Variants in REDIC1 observed in about 807,000 individuals in gnomAD.
REDIC1 encodes the protein regulator of DNA class I crossover intermediates 1.
At chr12:39,747,694 A>T in the REDIC1 span, among the ~76,000 whole-genome samples, 2 of 152,234 alleles carry the variant, frequency 1.3e-5, no homozygotes, top group East Asian at 1.9e-4. Context: ...TGGGTTACCC[A>T]CAAAGGGAAG....
At chr12:39,804,891 A>G in the REDIC1 span, among the ~76,000 whole-genome samples, 1 of 151,060 alleles carries the variant, frequency 6.6e-6, no homozygotes, top group Admixed American at 6.6e-5. Context: ...TACTGTTTTG[A>G]CAGGGCTCTC....
the REDIC1 span, among the ~76,000 whole-genome samples, chr12:39,711,869 GTATACACATGCATGTGTATGTGTA>G: frequency 0.3 from 3,615 of 12,096 alleles, 323 homozygotes; most frequent in African/African-American, 0.37. Context: ...GTGTATACAC[GTATACACATGCATGTGTATGTGTA>G]TACACGTATA....
At chr12:39,650,574 A>G in the REDIC1 span, among the ~76,000 whole-genome samples, 1 of 152,044 alleles carries the variant, frequency 6.6e-6, no homozygotes, top group Non-Finnish European at 1.5e-5. This position sits in a 1 kb window ranked among gnomAD's most constrained non-coding sequence, Gnocchi z 4.3. Flanking sequence ...ATTTAAGTTT[A>G]TTTTTTATTT....
At chr12:39,665,278 G>A in the REDIC1 span, among the ~76,000 whole-genome samples, 1 of 152,174 alleles carries the variant, frequency 6.6e-6, no homozygotes, top group Non-Finnish European at 1.5e-5. Context: ...TCCAGTTTCA[G>A]CTTTCTACAT....
the REDIC1 span, among the ~76,000 whole-genome samples, chr12:39,703,875 G>A: frequency 6.6e-6 from 1 of 152,318 alleles, no homozygotes; most frequent in Admixed American, 6.5e-5. Flanking sequence ...CTAGCCATAT[G>A]TAGAAAGCTG....
chr12:39,805,526 T>C, the REDIC1 span, among the ~76,000 whole-genome samples: 559 of 135,478 alleles, frequency 4.1e-3, 2 homozygotes, highest in African/African-American at 0.011. Context: ...TTTTTTTTTT[T>C]CCCCAGAGAC....
At chr12:39,642,670 A>G in the REDIC1 span, among the ~76,000 whole-genome samples, 29 of 151,854 alleles carry the variant, frequency 1.9e-4, no homozygotes, top group Non-Finnish European at 3.5e-4. Flanking sequence ...GTGGAAAACT[A>G]TTTACATCCT....
At chr12:39,744,671 AAAT>A in the REDIC1 span, among the ~76,000 whole-genome samples, 1 of 152,204 alleles carries the variant, frequency 6.6e-6, no homozygotes, top group African/African-American at 2.4e-5. Context: ...GTGAATAAAG[AAAT>A]ATAACTGAAA....
the REDIC1 span, among the ~76,000 whole-genome samples, chr12:39,791,178 T>C: frequency 6.6e-6 from 1 of 151,876 alleles, no homozygotes; most frequent in Non-Finnish European, 1.5e-5. Context: ...CAACAACCCT[T>C]CATGCTAAAA....
At chr12:39,698,502 A>G in the REDIC1 span, among the ~76,000 whole-genome samples, 2 of 152,236 alleles carry the variant, frequency 1.3e-5, no homozygotes, top group African/African-American at 4.8e-5. Context: ...TGGACCTAAA[A>G]GATATTTACA....
the REDIC1 span, among the ~76,000 whole-genome samples, chr12:39,681,758 A>G: frequency 6.6e-6 from 1 of 152,180 alleles, no homozygotes; most frequent in South Asian, 2.1e-4. Flanking sequence ...TATTGCCAAT[A>G]TATGGCCTAG....
chr12:39,709,943 T>C, the REDIC1 span, among the ~76,000 whole-genome samples: 1 of 151,864 alleles, frequency 6.6e-6, no homozygotes, highest in African/African-American at 2.4e-5. Flanking sequence ...CCACCAGCAG[T>C]GCAAAAAGAT....
chr12:39,744,129 G>A, the REDIC1 span, among the ~76,000 whole-genome samples: 1 of 152,070 alleles, frequency 6.6e-6, no homozygotes, highest in African/African-American at 2.4e-5. Flanking sequence ...AAGGAATAAA[G>A]AATTATGTTT....
At chr12:39,850,382 T>C in the REDIC1 span, among the ~76,000 whole-genome samples, 6 of 152,192 alleles carry the variant, frequency 3.9e-5, no homozygotes, top group African/African-American at 1.4e-4. Context: ...TGCTCTGCAG[T>C]TGAACTGAGC....
chr12:39,906,191 C>T, the REDIC1 span, among the ~76,000 whole-genome samples: 1 of 152,090 alleles, frequency 6.6e-6, no homozygotes, highest in Non-Finnish European at 1.5e-5. Context: ...GTTTAATAAT[C>T]CCAATTTTCA....
At chr12:39,746,542 C>T in the REDIC1 span, among the ~76,000 whole-genome samples, 1 of 152,214 alleles carries the variant, frequency 6.6e-6, no homozygotes, top group Non-Finnish European at 1.5e-5. Flanking sequence ...CCTCTGCAGA[C>T]TTAAATGTCC....
chr12:39,704,917 T>A, the REDIC1 span, among the ~76,000 whole-genome samples: 1 of 151,792 alleles, frequency 6.6e-6, no homozygotes, highest in Non-Finnish European at 1.5e-5. Flanking sequence ...CTCTGGGGAC[T>A]GTTGTGGCGT....
the REDIC1 span, among the ~76,000 whole-genome samples, chr12:39,706,643 C>T: frequency 6.6e-6 from 1 of 151,720 alleles, no homozygotes; most frequent in African/African-American, 2.4e-5. Context: ...CAGCATGGTA[C>T]CAGCATAAAA....
chr12:39,690,799 C>A, the REDIC1 span, among the ~76,000 whole-genome samples: 1 of 152,096 alleles, frequency 6.6e-6, no homozygotes, highest in Non-Finnish European at 1.5e-5. Context: ...ATTTTCTGAT[C>A]CATAGCAAGG....
Sources: gnomAD v4.1 joint callset for allele counts (sites outside exome capture counted in the v4.1 genomes callset) on GRCh38, gnomAD v4.1.1 for gene constraint, Gnocchi (gnomAD v3.1) non-coding constraint, MANE v1.5 for transcripts, NCBI Gene and HGNC (gene_info 2026-07-23, HGNC 2026-07-21) for gene names.